The following PEX6 variants were observed in gnomAD, a reference collection of about 807,000 sequenced individuals.
PEX6 encodes the protein peroxisome biogenesis factor 6.
PEX6 carries 55 observed loss-of-function variants against 85.6 expected under a neutral mutation model. The ratio of observed to expected loss-of-function variants is 0.64; its 90% CI spans 0.52 to 0.80. The LOEUF (loss-of-function observed/expected upper bound fraction) is 0.80, where lower values mean the gene tolerates loss of function less well. PEX6 is among the 30% of genes least tolerant of loss of function. PEX6 has a pLI of 0.00. For synonymous variants in PEX6, 519 were observed against 549.1 expected (o/e 0.95, Z 0.77); for missense variants, 1,099 against 1,260.3 (o/e 0.87, Z 1.94).
rs1420967068 is a variant in PEX6, at chr6:42,979,003, G to T, written c.148C>A (p.Pro50Thr). 2 of 1,515,024 alleles carry T rather than the reference G, an allele frequency of 1.3e-6. No individual in the cohort carries two copies. Among genetic ancestry groups the T allele is most frequent in the African/African-American group, 2.8e-5 (2 of 70,648 alleles). The allele number at this position is 1,515,024 out of a possible 1,614,324, so 93.8% of individuals were successfully genotyped here. ...TCCAGGGCTGCCACCAGCAGCGCCG[G>T]CCCTGCCGGGCTCTCCCCTGCAGGC... ...LRPAGESPAG[P>T]ALLVAALEGP... The change falls in exon 1 of 17, where the codon CCG (proline) becomes ACG (threonine). Residue 50 changes from proline (P) to threonine (T), a missense_variant. Around this residue, in one of 3 missense-constraint regions of PEX6, gnomAD observed 579 missense variants for 611.6 expected, o/e 0.95. Transcript: ENST00000304611.
At position 42,965,380 on chromosome 6, in the gene PEX6, G is replaced by A; in HGVS notation, c.2472-12C>T. 1 of 1,594,512 alleles carries A rather than the reference G, an allele frequency of 6.3e-7. No homozygotes were observed. ...GCTGAGACACCACCCTGGAGAGAAG[G>A]GAGCAAGGGCAAGAGTCCTTGGTGT... On this transcript the variant is annotated splice_polypyrimidine_tract_variant and intron_variant, in intron 13 of 16. Coordinates refer to ENST00000304611, the MANE Select transcript of PEX6 (RefSeq NM_000287.4). The surrounding 1 kb of genome is among the most constrained non-coding windows in gnomAD (Gnocchi z 5.0).
chr6:42,965,662 T>C lies in PEX6; in HGVS notation c.2471+19A>G, dbSNP rs1228294658. ...CCCACCCTGGACCCCTCAGCTTTCA[T>C]TCCCACTCAGACCCCTACCTGTCCA... On this transcript the variant is annotated intron_variant, in intron 13 of 16. Transcript: ENST00000304611. The surrounding 1 kb of genome is among the most constrained non-coding windows in gnomAD (Gnocchi z 5.0). 1.3e-6 allele frequency: 2 copies of C among 1,571,604 alleles called. No homozygotes were observed. Among genetic ancestry groups the C allele is most frequent in the South Asian group, 1.1e-5 (1 of 90,216 alleles).
Position 42,964,509 on chromosome 6 carries a change from C to G in PEX6, c.2807-38G>C, listed in dbSNP as rs369670930. On this transcript the variant is annotated intron_variant, in intron 16 of 16. Coordinates refer to ENST00000304611, the MANE Select transcript of PEX6 (RefSeq NM_000287.4). This position sits in a 1 kb window ranked among gnomAD's most constrained non-coding sequence, Gnocchi z 4.6. ...AGGTGGGGAGGCTGTGGTCTATGCCCAGGCAGGGGAGAGCCCTGCGAAGGT... is the reference window on the plus strand; with the variant it reads ...AGGTGGGGAGGCTGTGGTCTATGCCGAGGCAGGGGAGAGCCCTGCGAAGGT... 2.5e-5 allele frequency: 41 copies of G among 1,611,576 alleles called. No individual in the cohort carries two copies. Among genetic ancestry groups the G allele is most frequent in the Non-Finnish European group, 3.3e-5 (39 of 1,179,568 alleles).
At chr6:42,974,712 C>T (rs947517575) in intron 2 of PEX6, among the ~76,000 whole-genome samples, 163 bp downstream of exon 2, 3 of 151,916 alleles carry the variant, frequency 2.0e-5, no homozygotes, top group Non-Finnish European at 2.9e-5. Context: ...CCGCCCACCT[C>T]GGCCTCCCAA....
chr6:42,975,767 G>A (rs1770270335), intron 1 of PEX6, among the ~76,000 whole-genome samples: 2 of 150,878 alleles, frequency 1.3e-5, no homozygotes, highest in Admixed American at 1.3e-4. Flanking sequence ...ATGAAGTGCA[G>A]TGGCACAGTC....
rs2150240668 is a variant in PEX6 at position 42,978,990 on chromosome 6, A to C, written c.161T>G (p.Val54Gly). The C allele has an allele frequency of 2.6e-6, 4 of 1,512,308 alleles. No individual in the cohort carries two copies. The highest frequency in any genetic ancestry group is 3.5e-6 in the Non-Finnish European group (4 of 1,137,686). The allele number at this position is 1,512,308 out of a possible 1,614,324, so 93.7% of individuals were successfully genotyped here. A position where few individuals can be genotyped will look rare whatever the true frequency, so the allele number is the denominator to read the frequency against. ...CGCGTCCGGCCCCTCCAGGGCTGCC[A>C]CCAGCAGCGCCGGCCCTGCCGGGCT... ...GESPAGPALL[V>G]AALEGPDAGT... Residue 54 changes from valine to glycine, a missense_variant, in exon 1 of 17, where the codon GTG becomes GGG. Transcript: ENST00000304611.
chr6:42,968,394 G>A lies in PEX6; in HGVS notation c.1584C>T (p.Leu528=). 2 of 1,614,120 alleles carry A rather than the reference G, an allele frequency of 1.2e-6. No individual in the cohort carries two copies. Among genetic ancestry groups the A allele is most frequent in the Non-Finnish European group, 1.7e-6 (2 of 1,180,036 alleles). Residue 528 remains leucine, a synonymous_variant, in exon 7 of 17, where the codon CTC becomes CTT. Transcript: ENST00000304611. The part of the protein sequence containing the change: ...ARRCRPAVLL[L]TAVDLLGRDR... ...CCCGGCCCAGAAGGTCCACAGCTGT[G>A]AGCAACAGGACTGCAGGCCGGCAAC...
chr6:42,968,760 A>C (rs1449363853), intron 6 of PEX6, 114 bp downstream of exon 6: 2 of 875,130 alleles, frequency 2.3e-6, no homozygotes, highest in East Asian at 2.4e-5. Context: ...CACTGGGCTG[A>C]AGTGCTAGGG....
chr6:42,978,190 T>C, intron 1 of PEX6, 79 bp downstream of exon 1: 9 of 1,547,628 alleles, frequency 5.8e-6, no homozygotes, highest in Non-Finnish European at 8.0e-6. Flanking sequence ...GCACGAGTCC[T>C]AAATCTTCCA....
Position 42,978,301 on chromosome 6 carries a change from C to CA in PEX6, c.849dup (p.Asp284Ter). On this transcript the variant is annotated frameshift_variant, in exon 1 of 17. Transcript: ENST00000304611. LOFTEE classifies it high-confidence loss of function. ...CTGAGCTCTCCCATTTCCAGGGGGT[C>CA]ACAGCCAAGATTAAAAGCCAAAGTG... The CA allele has an allele frequency of 6.2e-7, 1 of 1,614,158 alleles. No homozygotes were observed. The highest frequency in any genetic ancestry group is 8.5e-7 in the Non-Finnish European group (1 of 1,180,034).
chr6:42,967,553 G>A lies in PEX6; in HGVS notation c.1699C>T (p.Leu567Phe), dbSNP rs770827358. The A allele has an allele frequency of 5.6e-6, 9 of 1,600,716 alleles. No individual in the cohort carries two copies. Among genetic ancestry groups the A allele is most frequent in the South Asian group, 1.1e-5 (1 of 88,894 alleles). The change falls in exon 8 of 17, where the codon CTC (leucine) becomes TTC (phenylalanine). Residue 567 changes from leucine (L) to phenylalanine (F), a missense_variant. Physicochemically the swap from Leu to Phe is conservative, Grantham distance 22 (BLOSUM62 0). Transcript: ENST00000304611. ...CGGCTTGTGGTGGCCACAACCATGA[G>A]GGGAGGGCAGCTGCAGACAGAGGAG... ...NEDPLNSCPP[L>F]MVVATTSRAQ...
rs1769868642 is a variant in PEX6 at position 42,967,378 on chromosome 6, C to T, written c.1874G>A (p.Arg625Gln). ...GQEVNLAQLA[R>Q]RCAGFVVGDL... ...TCCCTTGATACTCACTGCACACCGC[C>T]GTGCTAGCTGTGCCAAGTTCACCTC... Residue 625 changes from arginine to glutamine, a missense_variant, in exon 8 of 17, where the codon CGG (arginine) becomes CAG (glutamine). Physicochemically the swap from Arg to Gln is conservative, Grantham distance 43. Coordinates refer to ENST00000304611, the MANE Select transcript of PEX6 (RefSeq NM_000287.4). 2.5e-6 allele frequency: 4 copies of T among 1,612,804 alleles called. No individual in the cohort carries two copies. The highest frequency in any genetic ancestry group is 1.7e-5 in the Admixed American group (1 of 59,924).
At position 42,965,738 on chromosome 6, in the gene PEX6, A is replaced by C; in HGVS notation, c.2414T>G (p.Leu805Arg). ...AAPCIIFFDE[L>R]DSLAPSRGRS... Reference sequence around the variant, plus strand: ...CCCCCGGCTTGGGGCCAAAGAGTCCAGTTCATCAAAGAAGATAATGCATGG... The same window carrying C: ...CCCCCGGCTTGGGGCCAAAGAGTCCCGTTCATCAAAGAAGATAATGCATGG... Residue 805 changes from leucine (L) to arginine (R), a missense_variant, in exon 13 of 17, where the codon CTG becomes CGG. By Grantham distance (102) the Leu-to-Arg change is moderately radical (BLOSUM62 -2). Around this residue, in one of 3 missense-constraint regions of PEX6, gnomAD observed 514 missense variants for 627.0 expected, o/e 0.82. Transcript: ENST00000304611. The surrounding 1 kb of genome is among the most constrained non-coding windows in gnomAD (Gnocchi z 5.0). The C allele has an allele frequency of 6.2e-7, 1 of 1,614,110 alleles. No homozygotes were observed. Among genetic ancestry groups the C allele is most frequent in the Non-Finnish European group, 8.5e-7 (1 of 1,179,988 alleles).
intron 1 of PEX6, among the ~76,000 whole-genome samples, chr6:42,977,752 G>T (rs546967481): frequency 1.7e-3 from 157 of 94,294 alleles, no homozygotes; most frequent in African/African-American, 6.2e-3. Context: ...CTGGGTGACA[G>T]AGCAAGACCC....
At position 42,965,003 on chromosome 6, in the gene PEX6, C is replaced by T. The variant is rs1769697267; in HGVS notation, c.2666+72G>A. ...GAAAGCCAGTGCTGACCAGCTCATC[C>T]TGCATGTTGCATGCATCCCCTAAGC... On this transcript the variant is annotated intron_variant, in intron 15 of 16. Coordinates refer to ENST00000304611, the MANE Select transcript of PEX6 (RefSeq NM_000287.4). This position sits in a 1 kb window ranked among gnomAD's most constrained non-coding sequence, Gnocchi z 5.0. 1.2e-6 allele frequency: 2 copies of T among 1,611,890 alleles called. No individual in the cohort carries two copies. The highest frequency in any genetic ancestry group is 2.7e-5 in the African/African-American group (2 of 74,916).
At chr6:42,974,419 G>A (rs1247697885) in intron 2 of PEX6, among the ~76,000 whole-genome samples, 2 of 148,554 alleles carry the variant, frequency 1.3e-5, no homozygotes, top group Non-Finnish European at 3.0e-5. Flanking sequence ...ACCAAGAGGC[G>A]CCTACCACAA....
In PEX6 at chr6:42,967,386, C is replaced by T; in HGVS notation, c.1866G>A (p.Gln622=). The change falls in exon 8 of 17, where the codon CAG becomes CAA. Residue 622 remains glutamine (Q), a synonymous_variant. Transcript: ENST00000304611. ...LPLGQEVNLA[Q]LARRCAGFVV... ...TACTCACTGCACACCGCCGTGCTAG[C>T]TGTGCCAAGTTCACCTCCTGGCCCA... 1 of 1,613,190 alleles carries T rather than the reference C, an allele frequency of 6.2e-7. No homozygotes were observed. Among genetic ancestry groups the T allele is most frequent in the Non-Finnish European group, 8.5e-7 (1 of 1,179,808 alleles).
chr6:42,966,967 GTTTTTTTTTT>G, intron 8 of PEX6, 109 bp from the exon 9 acceptor site: 1 of 474,760 alleles, frequency 2.1e-6, no homozygotes, highest in Non-Finnish European at 3.6e-6. Flanking sequence ...TAGGTTTGTT[GTTTTTTTTTT>G]TTTTTTTTTT....
chr6:42,969,678 G>C lies in PEX6; in HGVS notation c.1357C>G (p.Leu453Val). The stretch of plus-strand genomic sequence containing the variant: ...GATGACCTCACTCACCCTGGCTGGA[G>C]GCGAGGCTTCAGGACAGCACAGAGT... The part of the protein sequence containing the change: ...SELCAVLKPR[L>V]QPGGALLTGT... The change falls in exon 5 of 17, where the codon CTC (leucine) becomes GTC (valine). Residue 453 changes from leucine (L) to valine (V), a missense_variant. By Grantham distance (32) the Leu-to-Val change is conservative. Transcript: ENST00000304611. 1 of 1,612,762 alleles carries C rather than the reference G, an allele frequency of 6.2e-7. No homozygotes were observed.
Sources: gnomAD v4.1 joint callset for allele counts (sites outside exome capture counted in the v4.1 genomes callset) on GRCh38, gnomAD v4.1.1 for gene constraint, gnomAD v4.1.1 regional missense constraint, Gnocchi (gnomAD v3.1) non-coding constraint, MANE v1.5 for transcripts, NCBI Gene and HGNC (gene_info 2026-07-23, HGNC 2026-07-21) for gene names.